Variants in UPK1B observed in about 807,000 individuals in gnomAD.
UPK1B encodes the protein uroplakin-1b.
UPK1B carries 28 observed loss-of-function variants against 34.2 expected under a neutral mutation model. The ratio of observed to expected loss-of-function variants is 0.82; its 90% CI spans 0.61 to 1.12. The LOEUF (loss-of-function observed/expected upper bound fraction) is 1.12, where lower values mean the gene tolerates loss of function less well. UPK1B is among the 50% of genes most tolerant of loss of function. The pLI is 0.00. For missense variants in UPK1B, 325 were observed against 320.9 expected (o/e 1.01, Z -0.10); for synonymous variants, 81 against 110.4 (o/e 0.73, Z 1.67).
At chr3:119,197,113 T>C (rs2078071122) in intron 6 of UPK1B, among the ~76,000 whole-genome samples, 1 of 152,200 alleles carries the variant, frequency 6.6e-6, no homozygotes, top group African/African-American at 2.4e-5. Context: ...TGTGCTGCTA[T>C]AGCTGTGAAG....
chr3:119,186,953 A>C (rs2078021845), intron 2 of UPK1B, 143 bp downstream of exon 2: 1 of 774,808 alleles, frequency 1.3e-6, no homozygotes, highest in Non-Finnish European at 2.1e-6. Context: ...ATGTGTTAGT[A>C]AATATGCTAG....
intron 6 of UPK1B, among the ~76,000 whole-genome samples, chr3:119,196,313 T>C (rs1012444714): frequency 6.6e-6 from 1 of 152,258 alleles, no homozygotes; most frequent in East Asian, 1.9e-4. Flanking sequence ...AAAAAGGTGC[T>C]ACCCCAAGAC....
intron 6 of UPK1B, among the ~76,000 whole-genome samples, chr3:119,197,522 A>T (rs1322111659): frequency 6.6e-6 from 1 of 152,196 alleles, no homozygotes; most frequent in Non-Finnish European, 1.5e-5. Flanking sequence ...AGGACCAAGG[A>T]GTAGCAGATA....
In UPK1B at chr3:119,173,635, C is replaced by T. The variant is rs1045698510; in HGVS notation, c.-32C>T. Reference sequence around the variant, plus strand: ...CTACCGTGTGCGCAGAAAGAGGAGGCGCTGTGAGTAGACCGCTTTCCCTCT... The same window carrying T: ...CTACCGTGTGCGCAGAAAGAGGAGGTGCTGTGAGTAGACCGCTTTCCCTCT... On this transcript the variant is annotated 5_prime_UTR_variant, in exon 1 of 8. Transcript: ENST00000264234. 2.0e-5 allele frequency: 3 copies of T among 152,202 alleles called. No individual in the cohort carries two copies. The highest frequency in any genetic ancestry group is 4.4e-5 in the Non-Finnish European group (3 of 68,054). The allele number at this position is 152,202 out of a possible 1,614,324, so 9.4% of individuals were successfully genotyped here.
chr3:119,190,205 G>A (rs1275633634), intron 3 of UPK1B, 40 bp from the exon 4 acceptor site: 3 of 1,461,214 alleles, frequency 2.1e-6, no homozygotes, highest in East Asian at 2.3e-5. Context: ...CTCTTTGACG[G>A]GTAAATGTAA....
chr3:119,196,404 G>C (rs2078067598), intron 6 of UPK1B, among the ~76,000 whole-genome samples: 1 of 152,032 alleles, frequency 6.6e-6, no homozygotes, highest in African/African-American at 2.4e-5. Flanking sequence ...GAGTCTCCTT[G>C]AGGACTATGT....
At chr3:119,177,544 G>A (rs2077962638) in intron 1 of UPK1B, among the ~76,000 whole-genome samples, 1 of 152,144 alleles carries the variant, frequency 6.6e-6, no homozygotes, top group Non-Finnish European at 1.5e-5. Context: ...CCGTGAACAG[G>A]CACCTGGCCA....
chr3:119,203,199 G>A (rs994235896), intron 7 of UPK1B, among the ~76,000 whole-genome samples: 3 of 151,666 alleles, frequency 2.0e-5, no homozygotes, highest in Non-Finnish European at 4.4e-5. Context: ...AAATTAGCCG[G>A]GCATGGTGGC....
chr3:119,178,382 A>C (rs892151280), intron 1 of UPK1B, among the ~76,000 whole-genome samples: 2 of 152,146 alleles, frequency 1.3e-5, no homozygotes, highest in Non-Finnish European at 2.9e-5. Flanking sequence ...CTGGGCTTGT[A>C]AGTGCAGAGG....
chr3:119,188,017 T>C (rs1249825678), intron 3 of UPK1B, 42 bp downstream of exon 3: 1 of 1,592,114 alleles, frequency 6.3e-7, no homozygotes. Context: ...CCTGAGCCAA[T>C]TGTAATGGAT....
At chr3:119,175,843 T>C (rs1264468760) in intron 1 of UPK1B, among the ~76,000 whole-genome samples, 2 of 152,214 alleles carry the variant, frequency 1.3e-5, no homozygotes, top group African/African-American at 2.4e-5. Flanking sequence ...TACTTTTATT[T>C]AATTGAATTC....
intron 6 of UPK1B, among the ~76,000 whole-genome samples, chr3:119,197,337 C>A (rs2078071728): frequency 6.6e-6 from 1 of 152,078 alleles, no homozygotes; most frequent in African/African-American, 2.4e-5. Flanking sequence ...ACTAGCATCA[C>A]GAAAAGGCAC....
At chr3:119,176,337 T>G (rs9289123) in intron 1 of UPK1B, among the ~76,000 whole-genome samples, 26,551 of 152,182 alleles carry the variant, frequency 0.17, 2,429 homozygotes, top group South Asian at 0.2. Context: ...TTCTTCTGCT[T>G]TGCAAATTGG....
intron 7 of UPK1B, among the ~76,000 whole-genome samples, chr3:119,203,359 A>ACAAAAACAAAC (rs1320535955): frequency 4.0e-5 from 6 of 151,440 alleles, no homozygotes; most frequent in East Asian, 1.9e-4. Flanking sequence ...AAAAAAAAAA[A>ACAAAAACAAAC]AAAAAAAAAT....
intron 7 of UPK1B, among the ~76,000 whole-genome samples, chr3:119,203,579 C>T (rs542462766): frequency 3.9e-5 from 6 of 152,120 alleles, no homozygotes; most frequent in Admixed American, 1.3e-4. Context: ...TGTTCCCTCT[C>T]ATAAGTGGGA....
chr3:119,204,887 A>C lies in UPK1B; in HGVS notation c.*920A>C, dbSNP rs2078112728. 1 of 152,296 alleles carries C rather than the reference A, an allele frequency of 6.6e-6. No individual in the cohort carries two copies. Among genetic ancestry groups the C allele is most frequent in the African/African-American group, 2.4e-5 (1 of 41,442 alleles). The allele number at this position is 152,296 out of a possible 1,614,324, so 9.4% of individuals were successfully genotyped here. A position where few individuals can be genotyped will look rare whatever the true frequency, so the allele number is the denominator to read the frequency against. On this transcript the variant is annotated 3_prime_UTR_variant, in exon 8 of 8. Coordinates refer to ENST00000264234, the MANE Select transcript of UPK1B (RefSeq NM_006952.4). ...CAGACTCTGTCTCAAAACAAACAAA[A>C]AAGCGTGGGGACTTCTGGGGACAGA...
intron 1 of UPK1B, among the ~76,000 whole-genome samples, chr3:119,177,090 G>C (rs1164067632): frequency 2.0e-5 from 3 of 152,176 alleles, no homozygotes; most frequent in Non-Finnish European, 1.5e-5. Flanking sequence ...AACTCAATGT[G>C]CCTCTTTTAT....
At chr3:119,195,411 T>A (rs546969530) in intron 6 of UPK1B, among the ~76,000 whole-genome samples, 15 of 152,328 alleles carry the variant, frequency 9.8e-5, no homozygotes, top group African/African-American at 3.6e-4. Flanking sequence ...CATGTTCAGA[T>A]TGAGGGACAT....
intron 1 of UPK1B, among the ~76,000 whole-genome samples, chr3:119,184,079 A>G (rs1457915339): frequency 3.3e-5 from 5 of 152,088 alleles, no homozygotes; most frequent in Admixed American, 3.3e-4. Flanking sequence ...GGTTTCTTCA[A>G]TTTATGCTTT....
Sources: allele counts gnomAD v4.1 joint callset (sites outside exome capture counted in the v4.1 genomes callset), GRCh38; gene constraint gnomAD v4.1.1; transcripts MANE v1.5; gene names NCBI Gene and HGNC (gene_info 2026-07-23, HGNC 2026-07-21).